The following CLSTN2 variants were observed in gnomAD, a reference collection of about 807,000 sequenced individuals.
CLSTN2 encodes calsyntenin 2.
Under a neutral mutation model 101.2 loss-of-function variants are expected in CLSTN2, and 48 were observed. The observed-to-expected ratio is 0.47, with a 90% CI of 0.38 to 0.60. The LOEUF (loss-of-function observed/expected upper bound fraction) is 0.60, where lower values mean the gene tolerates loss of function less well. Ranked by LOEUF, CLSTN2 falls within the 20% of genes least tolerant of loss-of-function variation. CLSTN2 has a pLI of 0.00. For missense variants in CLSTN2, 1,160 were observed against 1,238.2 expected (o/e 0.94, Z 0.95); for synonymous variants, 481 against 463.6 (o/e 1.04, Z -0.48).
chr3:140,141,703 C>T (rs1560107477), intron 1 of CLSTN2, among the ~76,000 whole-genome samples: 2 of 152,188 alleles, frequency 1.3e-5, no homozygotes, highest in South Asian at 4.1e-4. Context: ...GGGAACCCAG[C>T]CTCTAGCCCT....
chr3:140,314,074 A>G (rs1269332802), intron 2 of CLSTN2, among the ~76,000 whole-genome samples: 1 of 152,210 alleles, frequency 6.6e-6, no homozygotes, highest in Non-Finnish European at 1.5e-5. Context: ...TAGAGCAAAC[A>G]TTGGTTCATG....
At chr3:140,531,132 G>A (rs2107778744) in intron 8 of CLSTN2, among the ~76,000 whole-genome samples, 1 of 152,204 alleles carries the variant, frequency 6.6e-6, no homozygotes, top group Admixed American at 6.5e-5. Flanking sequence ...CCAGGGCACC[G>A]AGCATGAGGG....
intron 2 of CLSTN2, among the ~76,000 whole-genome samples, chr3:140,315,488 G>A (rs903352004): frequency 6.6e-6 from 1 of 152,168 alleles, no homozygotes; most frequent in Non-Finnish European, 1.5e-5. Flanking sequence ...TTAATTAGTA[G>A]GCTAATTATG....
At chr3:139,980,429 A>G (rs9862536) in intron 1 of CLSTN2, among the ~76,000 whole-genome samples, 50,399 of 151,952 alleles carry the variant, frequency 0.33, 10,573 homozygotes, top group Non-Finnish European at 0.46. Flanking sequence ...CTCATCAGAA[A>G]GTCCATCTAT....
At chr3:140,291,856 C>T (rs1296757323) in intron 2 of CLSTN2, among the ~76,000 whole-genome samples, 1 of 151,990 alleles carries the variant, frequency 6.6e-6, no homozygotes, top group Non-Finnish European at 1.5e-5. Context: ...CCCATTAACA[C>T]CACAGTACAA....
chr3:140,020,784 A>G (rs2007298293), intron 1 of CLSTN2, among the ~76,000 whole-genome samples: 2 of 152,234 alleles, frequency 1.3e-5, no homozygotes, highest in Non-Finnish European at 2.9e-5. Flanking sequence ...CACCCTGGGT[A>G]ATGGCAAAAG....
At chr3:140,483,661 C>A (rs1288636764) in intron 8 of CLSTN2, among the ~76,000 whole-genome samples, 1 of 152,026 alleles carries the variant, frequency 6.6e-6, no homozygotes, top group Admixed American at 6.6e-5. Context: ...GGATAGTTAG[C>A]TCTTCTTGTT....
intron 1 of CLSTN2, among the ~76,000 whole-genome samples, chr3:140,075,361 A>G (rs1187813971): frequency 6.6e-6 from 1 of 152,186 alleles, no homozygotes; most frequent in Non-Finnish European, 1.5e-5. Flanking sequence ...ATATATACAT[A>G]TCTCATAGAA....
intron 1 of CLSTN2, among the ~76,000 whole-genome samples, chr3:140,153,885 G>C (rs1417268827): frequency 6.6e-6 from 1 of 152,152 alleles, no homozygotes; most frequent in African/African-American, 2.4e-5. Context: ...CAAGAAGAGA[G>C]CTCATGTCTG....
chr3:140,025,981 G>T (rs1361588862), intron 1 of CLSTN2, among the ~76,000 whole-genome samples: 1 of 152,172 alleles, frequency 6.6e-6, no homozygotes, highest in Non-Finnish European at 1.5e-5. Context: ...GTGATCCCTT[G>T]TTCCCTTCCC....
At chr3:140,133,280 G>A (rs542039533) in intron 1 of CLSTN2, among the ~76,000 whole-genome samples, 26 of 152,226 alleles carry the variant, frequency 1.7e-4, no homozygotes, top group Admixed American at 3.3e-4. Context: ...TGAGGGATCC[G>A]CCTCCATGAC....
At chr3:139,987,200 G>A (rs13099993) in intron 1 of CLSTN2, among the ~76,000 whole-genome samples, 1 of 152,144 alleles carries the variant, frequency 6.6e-6, no homozygotes, top group African/African-American at 2.4e-5. Flanking sequence ...AGATAGTAAG[G>A]AATGGCCATG....
In CLSTN2 at chr3:140,569,924, C is replaced by G. The variant is rs1219467125; in HGVS notation, c.*3671C>G. ...AAACTCCTGATCTCAGGTGATCTGC[C>G]CACCTTGGCCTCCAAGGTAATGAGA... On this transcript the variant is annotated 3_prime_UTR_variant, in exon 17 of 17. Coordinates refer to ENST00000458420, the MANE Select transcript of CLSTN2 (RefSeq NM_022131.3). 6.6e-6 allele frequency: 1 copy of G among 152,168 alleles called. No individual in the cohort carries two copies. The highest frequency in any genetic ancestry group is 6.5e-5 in the Admixed American group (1 of 15,282). 9.4% of individuals were successfully genotyped at this position (152,168 alleles called of 1,614,324 possible).
chr3:140,248,851 C>T (rs1483872483), intron 2 of CLSTN2, among the ~76,000 whole-genome samples: 2 of 152,186 alleles, frequency 1.3e-5, no homozygotes, highest in Non-Finnish European at 2.9e-5. Context: ...ACTCAATTCT[C>T]CCACTAAGTA....
At chr3:140,446,161 C>G (rs549109729) in intron 5 of CLSTN2, among the ~76,000 whole-genome samples, 1 of 152,138 alleles carries the variant, frequency 6.6e-6, no homozygotes, top group Non-Finnish European at 1.5e-5. Flanking sequence ...AAAAAGCCAC[C>G]TTTTGCTCCA....
At chr3:140,497,482 G>C (rs1934491999) in intron 8 of CLSTN2, among the ~76,000 whole-genome samples, 2 of 152,194 alleles carry the variant, frequency 1.3e-5, no homozygotes, top group South Asian at 4.1e-4. Context: ...CAGCAGGCTA[G>C]AATGGCTGAG....
At chr3:140,016,160 C>T (rs76605906) in intron 1 of CLSTN2, among the ~76,000 whole-genome samples, 2,549 of 152,224 alleles carry the variant, frequency 0.017, 73 homozygotes, top group African/African-American at 0.058. Flanking sequence ...GAGATGAAAG[C>T]TTGGACCTTT....
At chr3:140,333,945 G>A (rs1016747398) in intron 2 of CLSTN2, among the ~76,000 whole-genome samples, 5 of 152,234 alleles carry the variant, frequency 3.3e-5, no homozygotes, top group South Asian at 4.1e-4. Flanking sequence ...AAAAAAAATT[G>A]CACATGGATT....
At chr3:140,438,337 G>T (rs1654026469) in intron 5 of CLSTN2, among the ~76,000 whole-genome samples, 1 of 146,924 alleles carries the variant, frequency 6.8e-6, no homozygotes, top group South Asian at 2.2e-4. Flanking sequence ...TGTATTTCCT[G>T]CAGAAGTGAG....
Sources: gnomAD v4.1 joint callset for allele counts (sites outside exome capture counted in the v4.1 genomes callset) on GRCh38, gnomAD v4.1.1 for gene constraint, MANE v1.5 for transcripts, NCBI Gene and HGNC (gene_info 2026-07-23, HGNC 2026-07-21) for gene names.